STAB2: variants seen among roughly 807,000 people sequenced by gnomAD.
STAB2 encodes stabilin-2.
STAB2 carries 288 observed loss-of-function variants against 338.1 expected under a neutral mutation model. The ratio of observed to expected loss-of-function variants is 0.85; its 90% CI spans 0.77 to 0.94. The LOEUF is 0.94. Ranked by LOEUF, STAB2 falls within the 40% of genes least tolerant of loss-of-function variation. The pLI, the probability that STAB2 is intolerant of heterozygous loss-of-function variation, is 0.00. For synonymous variants in STAB2, 1,202 were observed against 1,193.3 expected (o/e 1.01, Z -0.15); for missense variants, 3,141 against 3,210.1 (o/e 0.98, Z 0.52).
intron 3 of STAB2, among the ~76,000 whole-genome samples, chr12:103,617,125 A>G (rs1212543985): frequency 6.6e-6 from 1 of 152,184 alleles, no homozygotes; most frequent in East Asian, 1.9e-4. Context: ...TTGGTAAGTA[A>G]CATCAAGTAG....
At position 103,666,363 on chromosome 12, in the gene STAB2, A is replaced by G. The variant is rs1163898043; in HGVS notation, c.2085+10A>G. On this transcript the variant is annotated intron_variant, in intron 19 of 68. Coordinates refer to ENST00000388887, the MANE Select transcript of STAB2 (RefSeq NM_017564.10). The stretch of plus-strand genomic sequence containing the variant: ...TAACTCTGAGCCCACAGTGAGTGTG[A>G]CAGCTTCATGAAAGCACAGATCACC... 6.2e-7 allele frequency: 1 copy of G among 1,614,184 alleles called. No homozygotes were observed. Among genetic ancestry groups the G allele is most frequent in the African/African-American group, 1.3e-5 (1 of 75,060 alleles).
chr12:103,692,645 G>C, intron 30 of STAB2, among the ~76,000 whole-genome samples, 167 bp from the exon 31 acceptor site: 1 of 152,226 alleles, frequency 6.6e-6, no homozygotes, highest in East Asian at 1.9e-4. Context: ...GAGAGAGAGA[G>C]AGAGAGGGGT....
chr12:103,659,029 G>T (rs1169183067), intron 15 of STAB2, among the ~76,000 whole-genome samples: 1 of 152,232 alleles, frequency 6.6e-6, no homozygotes, highest in East Asian at 1.9e-4. Context: ...TGTAAGTTGA[G>T]ATGTAAAGGC....
At chr12:103,732,534 G>A (rs1881713708) in intron 50 of STAB2, among the ~76,000 whole-genome samples, 1 of 152,146 alleles carries the variant, frequency 6.6e-6, no homozygotes, top group South Asian at 2.1e-4. Context: ...GATGGGCACA[G>A]TTGGCTCATG....
intron 45 of STAB2, among the ~76,000 whole-genome samples, chr12:103,725,641 C>T (rs1881135213): frequency 1.3e-5 from 2 of 151,390 alleles, no homozygotes; most frequent in African/African-American, 4.9e-5. Context: ...TGCATATGTG[C>T]ATGTGTGTAT....
chr12:103,691,369 C>T (rs1191988036), intron 30 of STAB2, among the ~76,000 whole-genome samples: 1 of 152,196 alleles, frequency 6.6e-6, no homozygotes, highest in Non-Finnish European at 1.5e-5. Context: ...CGTAGTAATA[C>T]CTACATATAT....
intron 3 of STAB2, among the ~76,000 whole-genome samples, chr12:103,598,515 T>C (rs703603): frequency 0.41 from 62,746 of 152,104 alleles, 14,576 homozygotes; most frequent in East Asian, 0.62. Context: ...CCTGCCCTTA[T>C]AGCAAATTAT....
At chr12:103,596,336 C>A (rs1401966541) in intron 3 of STAB2, among the ~76,000 whole-genome samples, 3 of 152,162 alleles carry the variant, frequency 2.0e-5, no homozygotes, top group African/African-American at 7.2e-5. Context: ...GTACAAAAGT[C>A]AGCATGTCCG....
At chr12:103,762,122 A>C in intron 66 of STAB2, 152 bp from the exon 67 acceptor site, 1 of 998,076 alleles carries the variant, frequency 1.0e-6, no homozygotes, top group Non-Finnish European at 1.5e-6. Context: ...ACAGAAGGGT[A>C]TTAGACCCTG....
intron 24 of STAB2, among the ~76,000 whole-genome samples, chr12:103,676,706 C>T (rs1387207033): frequency 1.3e-5 from 2 of 152,140 alleles, no homozygotes; most frequent in Admixed American, 6.5e-5. Context: ...GATCGCCATC[C>T]CCACCTGACC....
At chr12:103,653,274 T>C (rs1370747085) in intron 12 of STAB2, among the ~76,000 whole-genome samples, 1 of 152,100 alleles carries the variant, frequency 6.6e-6, no homozygotes, top group Non-Finnish European at 1.5e-5. Context: ...ATAGGACCTA[T>C]ACTATTACAT....
At chr12:103,747,528 G>A (rs985906814) in intron 58 of STAB2, among the ~76,000 whole-genome samples, 3 of 151,376 alleles carry the variant, frequency 2.0e-5, no homozygotes, top group Non-Finnish European at 2.9e-5. Flanking sequence ...AGAGGAAGGA[G>A]GCAAACCTCC....
At chr12:103,656,521 A>T (rs1321881467) in intron 15 of STAB2, among the ~76,000 whole-genome samples, 1 of 152,192 alleles carries the variant, frequency 6.6e-6, no homozygotes, top group Non-Finnish European at 1.5e-5. Flanking sequence ...CACGCTGGTA[A>T]CCACCAACTT....
chr12:103,733,291 T>G (rs1291661491), intron 51 of STAB2, 109 bp downstream of exon 51: 1 of 1,317,086 alleles, frequency 7.6e-7, no homozygotes, highest in Non-Finnish European at 1.1e-6. Flanking sequence ...CTGTCACCAC[T>G]GTATGCAGGA....
chr12:103,591,295 T>C (rs531608968), intron 2 of STAB2, among the ~76,000 whole-genome samples: 144 of 152,004 alleles, frequency 9.5e-4, no homozygotes, highest in Non-Finnish European at 1.7e-3. Flanking sequence ...GACCAACCTG[T>C]CCAACATGGT....
At chr12:103,737,430 G>C (rs1882213039) in intron 52 of STAB2, among the ~76,000 whole-genome samples, 1 of 152,152 alleles carries the variant, frequency 6.6e-6, no homozygotes, top group Admixed American at 6.6e-5. Context: ...AAAGGACTTA[G>C]AACAGTATCT....
intron 3 of STAB2, among the ~76,000 whole-genome samples, chr12:103,616,937 G>T (rs189750725): frequency 4.8e-4 from 73 of 152,284 alleles, no homozygotes; most frequent in Non-Finnish European, 5.1e-4. Context: ...GTGTTTACCT[G>T]GTCCCTGCTT....
intron 5 of STAB2, among the ~76,000 whole-genome samples, chr12:103,630,778 A>T (rs1957448101): frequency 6.6e-6 from 1 of 152,218 alleles, no homozygotes; most frequent in Non-Finnish European, 1.5e-5. Flanking sequence ...AAAAGAAAAG[A>T]TTCTCCACTA....
Position 103,620,490 on chromosome 12 carries a change from AC to A in STAB2, c.357del (p.Cys120AlafsTer56), listed in dbSNP as rs1957281378. ...CIECPGGAGS[P>X]CNGRGSCAEG... is the part of the protein sequence containing the mutation. Reference sequence around the variant, plus strand: ...TAGAGTGCCCAGGTGGAGCGGGGTCACCCTGCAATGGCAGAGGCAGTTGTGC... The same window carrying A: ...TAGAGTGCCCAGGTGGAGCGGGGTCACCTGCAATGGCAGAGGCAGTTGTGC... On this transcript the variant is annotated frameshift_variant, in exon 4 of 69. Transcript: ENST00000388887. LOFTEE classifies it high-confidence loss of function. 6.3e-7 allele frequency: 1 copy of A among 1,584,244 alleles called. No homozygotes were observed. The highest frequency in any genetic ancestry group is 8.6e-7 in the Non-Finnish European group (1 of 1,163,858).
Sources: allele counts gnomAD v4.1 joint callset (sites outside exome capture counted in the v4.1 genomes callset), GRCh38; gene constraint gnomAD v4.1.1; transcripts MANE v1.5; gene names NCBI Gene and HGNC (gene_info 2026-07-23, HGNC 2026-07-21).